Variants in CCND2 observed in about 807,000 individuals in gnomAD.
CCND2 encodes the protein cyclin D2.
CCND2 carries 6 observed loss-of-function variants against 30.2 expected under a neutral mutation model. The observed-to-expected ratio is 0.20, with a 90% CI of 0.11 to 0.39. The LOEUF (loss-of-function observed/expected upper bound fraction) is 0.39. Among genes scored for constraint, CCND2 ranks in the 10% least tolerant of loss-of-function variants. The pLI, the probability that CCND2 is intolerant of heterozygous loss-of-function variation, is 1.00. For missense variants in CCND2, 235 were observed against 373.4 expected (o/e 0.63, Z 3.06); for synonymous variants, 150 against 153.1 (o/e 0.98, Z 0.15).
At chr12:4,294,310 A>G (rs1591649886) in intron 4 of CCND2, among the ~76,000 whole-genome samples, 4 of 152,044 alleles carry the variant, frequency 2.6e-5, no homozygotes, top group South Asian at 2.1e-4. Flanking sequence ...GAGGGGGCCT[A>G]TCATCATAGA....
In CCND2 at chr12:4,285,942, C is replaced by T. The variant is rs1258504055; in HGVS notation, c.572-2900C>T. On this transcript the variant is annotated intron_variant, in intron 3 of 4. Transcript: ENST00000261254. The surrounding 1 kb of genome is among the most constrained non-coding windows in gnomAD (Gnocchi z 4.1). ...TTTGCCGGCTGGTAGACACCGTGAT[C>T]CATTCTATTGTCTCCTCATTGTTCT... is the stretch of plus-strand genomic sequence containing the variant. Among the ~76,000 whole-genome samples the T allele has an allele frequency of 6.6e-6, 1 of 152,280 alleles. No individual in the cohort carries two copies. The highest frequency in any genetic ancestry group is 1.9e-4 in the East Asian group (1 of 5,182).
chr12:4,295,441 C>T (rs1285752092), intron 4 of CCND2, among the ~76,000 whole-genome samples: 1 of 152,100 alleles, frequency 6.6e-6, no homozygotes, highest in Non-Finnish European at 1.5e-5. Flanking sequence ...GTGTACCTGC[C>T]TTGGTCATCC....
chr12:4,280,024 C>G (rs570100616), intron 3 of CCND2, among the ~76,000 whole-genome samples: 1 of 151,550 alleles, frequency 6.6e-6, no homozygotes, highest in East Asian at 2.0e-4. Flanking sequence ...AAAAGTCAGG[C>G]TTTGCTGCAT....
chr12:4,303,828 A>G lies in CCND2; in HGVS notation c.*3819A>G, dbSNP rs2120604421. 4.3e-6 allele frequency: 1 copy of G among 233,236 alleles called. No homozygotes were observed. Among genetic ancestry groups the G allele is most frequent in the East Asian group, 6.0e-5 (1 of 16,582 alleles). 14.4% of individuals were successfully genotyped at this position (233,236 alleles called of 1,614,324 possible). On this transcript the variant is annotated 3_prime_UTR_variant, in exon 5 of 5. Transcript: ENST00000261254. The surrounding 1 kb of genome is among the most constrained non-coding windows in gnomAD (Gnocchi z 4.6). The stretch of plus-strand genomic sequence containing the variant: ...ACTGGAGAGCACAGCATGCCTTACT[A>G]CTGGGTCATCCTTGGTCTATGTGCT...
Position 4,299,894 on chromosome 12 carries a change from C to T in CCND2, c.755C>T (p.Ala252Val), listed in dbSNP as rs781695497. The T allele has an allele frequency of 1.7e-5, 28 of 1,613,754 alleles. No individual in the cohort carries two copies. The highest frequency in any genetic ancestry group is 3.3e-5 in the Admixed American group (2 of 59,992). ...AAAGCTTGCCAGGAGCAGATTGAGG[C>T]GGTGCTCCTCAATAGCCTGCAGCAG... ...CLKACQEQIE[A>V]VLLNSLQQYR... Residue 252 changes from alanine (A) to valine (V), a missense_variant, in exon 5 of 5, where the codon GCG (alanine) becomes GTG (valine). This residue lies in a region of CCND2 where 178 missense variants were observed against 322.8 expected (regional missense o/e 0.55). Transcript: ENST00000261254. The surrounding 1 kb of genome is among the most constrained non-coding windows in gnomAD (Gnocchi z 5.2).
At position 4,299,994 on chromosome 12, in the gene CCND2, G is replaced by C. The variant is rs866803877; in HGVS notation, c.855G>C (p.Arg285=). 1.9e-6 allele frequency: 3 copies of C among 1,613,826 alleles called. No individual in the cohort carries two copies. The highest frequency in any genetic ancestry group is 2.5e-6 in the Non-Finnish European group (3 of 1,179,892). Residue 285 remains arginine (R), a synonymous_variant, in exon 5 of 5, where the codon CGG becomes CGC. Transcript: ENST00000261254. The surrounding 1 kb of genome is among the most constrained non-coding windows in gnomAD (Gnocchi z 5.2). ...AAGCCAGCACCCCTACAGACGTGCG[G>C]GATATCGACCTGTGAGGATGCCAGT... ...LDQASTPTDV[R]DIDL
intron 3 of CCND2, among the ~76,000 whole-genome samples, chr12:4,280,854 A>T (rs1863938835): frequency 6.6e-6 from 1 of 152,026 alleles, no homozygotes; most frequent in Admixed American, 6.5e-5. Context: ...CTGATCTCTG[A>T]TTGGGGTAGG....
In CCND2 at chr12:4,302,196, A is replaced by T. The variant is rs901804663; in HGVS notation, c.*2187A>T. ...AGGGACCTTTTTGGTCATGGAGGCC[A>T]TCGGGCTCCCAGTTAGACCCTGGTA... On this transcript the variant is annotated 3_prime_UTR_variant, in exon 5 of 5. Transcript: ENST00000261254. 2 of 233,022 alleles carry T rather than the reference A, an allele frequency of 8.6e-6. No homozygotes were observed. Among genetic ancestry groups the T allele is most frequent in the African/African-American group, 4.4e-5 (2 of 45,262 alleles). 14.4% of individuals were successfully genotyped at this position (233,022 alleles called of 1,614,324 possible). A position where few individuals can be genotyped will look rare whatever the true frequency, so the allele number is the denominator to read the frequency against.
intron 3 of CCND2, 43 bp downstream of exon 3, chr12:4,278,962 T>G: frequency 6.3e-7 from 1 of 1,580,022 alleles, no homozygotes; most frequent in Non-Finnish European, 8.6e-7. Context: ...GGGGAGCTCT[T>G]TTGGGAGATG....
chr12:4,289,374 C>T (rs1864065952), intron 4 of CCND2, among the ~76,000 whole-genome samples: 3 of 152,010 alleles, frequency 2.0e-5, no homozygotes, highest in African/African-American at 2.4e-5. Flanking sequence ...GGCTGTAAGG[C>T]GCACAGAGGA....
rs1864127026 is a variant in CCND2 at position 4,293,512 on chromosome 12, G to A, written c.720+4522G>A. 6.6e-6 allele frequency among the ~76,000 whole-genome samples: 1 copy of A among 152,230 alleles called. No homozygotes were observed. The highest frequency in any genetic ancestry group is 2.1e-4 in the South Asian group (1 of 4,832). On this transcript the variant is annotated intron_variant, in intron 4 of 4. Transcript: ENST00000261254. This position sits in a 1 kb window ranked among gnomAD's most constrained non-coding sequence, Gnocchi z 4.9. ...GGGCTTCAGTCGAACCCGTCACCCAGACAGTGTACACAGTACCCAATAGGG... is the reference window on the plus strand; with the variant it reads ...GGGCTTCAGTCGAACCCGTCACCCAAACAGTGTACACAGTACCCAATAGGG...
At position 4,273,953 on chromosome 12, in the gene CCND2, C is replaced by A; in HGVS notation, c.-88C>A. On this transcript the variant is annotated 5_prime_UTR_variant, in exon 1 of 5. Coordinates refer to ENST00000261254, the MANE Select transcript of CCND2 (RefSeq NM_001759.4). This position sits in a 1 kb window ranked among gnomAD's most constrained non-coding sequence, Gnocchi z 5.9. ...CCAAAGGAAGGAGGTCAGGGGAACG[C>A]TCTCCCCTCCCCTTCCAAAAAACAA... is the stretch of plus-strand genomic sequence containing the variant. 1.5e-6 allele frequency: 2 copies of A among 1,312,896 alleles called. No individual in the cohort carries two copies. Among genetic ancestry groups the A allele is most frequent in the Non-Finnish European group, 2.1e-6 (2 of 960,558 alleles). 81.3% of individuals were successfully genotyped at this position (1,312,896 alleles called of 1,614,324 possible).
rs1242864601 is a variant in CCND2, at chr12:4,274,084, T to G, written c.44T>G (p.Val15Gly). Reference sequence around the variant, plus strand: ...GAGGTGGACCCGGTCCGCAGGGCCGTGCGGGACCGCAACCTGCTCCGAGAC... The same window carrying G: ...GAGGTGGACCCGGTCCGCAGGGCCGGGCGGGACCGCAACCTGCTCCGAGAC... ...CHEVDPVRRAVRDRNLLRDDR... is the reference protein window; with the variant it reads ...CHEVDPVRRAGRDRNLLRDDR... The change falls in exon 1 of 5, where the codon GTG (valine) becomes GGG (glycine). Residue 15 changes from valine to glycine, a missense_variant. By Grantham distance (109) the Val-to-Gly change is moderately radical. This residue lies in a region of CCND2 where 178 missense variants were observed against 322.8 expected (regional missense o/e 0.55). Transcript: ENST00000261254. The surrounding 1 kb of genome is among the most constrained non-coding windows in gnomAD (Gnocchi z 7.7). 1 of 1,613,520 alleles carries G rather than the reference T, an allele frequency of 6.2e-7. No homozygotes were observed. Among genetic ancestry groups the G allele is most frequent in the South Asian group, 1.1e-5 (1 of 90,992 alleles).
Position 4,274,435 on chromosome 12 carries a change from A to T in CCND2, c.195+200A>T, listed in dbSNP as rs1181808934. ...GATAAACTGGGGAGGCAGAGGGGGG[A>T]GGAAAATCTGGGAGAAGCGAGGCTG... On this transcript the variant is annotated intron_variant, in intron 1 of 4. Transcript: ENST00000261254. The surrounding 1 kb of genome is among the most constrained non-coding windows in gnomAD (Gnocchi z 7.7). Among the ~76,000 whole-genome samples, 1 of 151,478 alleles carries T rather than the reference A, an allele frequency of 6.6e-6. No individual in the cohort carries two copies. Among genetic ancestry groups the T allele is most frequent in the Non-Finnish European group, 1.5e-5 (1 of 67,854 alleles).
rs546118932 is a variant in CCND2 at position 4,282,988 on chromosome 12, ATCTC to A, written c.571+4074_571+4077del. 1.2e-3 allele frequency among the ~76,000 whole-genome samples: 183 copies of A among 152,268 alleles called. 1 individual carries two copies. Among genetic ancestry groups the A allele is most frequent in the Non-Finnish European group, 1.9e-3 (127 of 68,012 alleles). On this transcript the variant is annotated intron_variant, in intron 3 of 4. Transcript: ENST00000261254. The surrounding 1 kb of genome is among the most constrained non-coding windows in gnomAD (Gnocchi z 4.3). ...TTTCTTCTTCAGCGTCAGAGTGCGT[ATCTC>A]TCTCCCCCTATTGGTGAACAGAAGC...
At chr12:4,298,201 G>A (rs1415713569) in intron 4 of CCND2, among the ~76,000 whole-genome samples, 1 of 152,208 alleles carries the variant, frequency 6.6e-6, no homozygotes, top group South Asian at 2.1e-4. Flanking sequence ...TGCAAGTATA[G>A]TGGGTGGGCA....
chr12:4,304,601 G>T lies in CCND2; in HGVS notation c.*4592G>T, dbSNP rs1383961692. ...GCACAACGATACTACATTCGTGTGT[G>T]TCTGCTTTTAAACTTGGCTGGGCTA... On this transcript the variant is annotated 3_prime_UTR_variant, in exon 5 of 5. Coordinates refer to ENST00000261254, the MANE Select transcript of CCND2 (RefSeq NM_001759.4). This position sits in a 1 kb window ranked among gnomAD's most constrained non-coding sequence, Gnocchi z 6.2. 2 of 233,590 alleles carry T rather than the reference G, an allele frequency of 8.6e-6. No individual in the cohort carries two copies. Among genetic ancestry groups the T allele is most frequent in the Non-Finnish European group, 1.7e-5 (2 of 118,056 alleles). 14.5% of individuals were successfully genotyped at this position (233,590 alleles called of 1,614,324 possible).
At position 4,297,592 on chromosome 12, in the gene CCND2, A is replaced by AG. The variant is rs1565438150; in HGVS notation, c.721-2268_721-2267insG. Among the ~76,000 whole-genome samples, 37 of 150,854 alleles carry AG rather than the reference A, an allele frequency of 2.5e-4. 1 individual carries two copies. Among genetic ancestry groups the AG allele is most frequent in the African/African-American group, 8.4e-4 (34 of 40,500 alleles). Reference sequence around the variant, plus strand: ...TCTCAAAAAAAAAAAAAAAAAAAAAAAAAAACAGAAAAGAAAAGAAACATT... The same window carrying AG: ...TCTCAAAAAAAAAAAAAAAAAAAAAAGAAAAACAGAAAAGAAAAGAAACATT... On this transcript the variant is annotated intron_variant, in intron 4 of 4. Transcript: ENST00000261254.
intron 2 of CCND2, among the ~76,000 whole-genome samples, chr12:4,277,639 G>A (rs2120528237): frequency 6.6e-6 from 1 of 152,302 alleles, no homozygotes; most frequent in Admixed American, 6.5e-5. Flanking sequence ...CCAGAAGTTG[G>A]GATTTGGAAG....
Sources: gnomAD v4.1 joint callset for allele counts (sites outside exome capture counted in the v4.1 genomes callset) on GRCh38, gnomAD v4.1.1 for gene constraint, gnomAD v4.1.1 regional missense constraint, Gnocchi (gnomAD v3.1) non-coding constraint, MANE v1.5 for transcripts, NCBI Gene and HGNC (gene_info 2026-07-23, HGNC 2026-07-21) for gene names.